The following CELA2A variants were observed in gnomAD, a reference collection of about 807,000 sequenced individuals.
The protein encoded by CELA2A is chymotrypsin like elastase 2A, also known as chymotrypsin-like elastase family member 2A.
Under a neutral mutation model 35.3 loss-of-function variants are expected in CELA2A, and 31 were observed. The ratio of observed to expected loss-of-function variants is 0.88; its 90% CI spans 0.66 to 1.19. The LOEUF (loss-of-function observed/expected upper bound fraction) is 1.19, where lower values mean the gene tolerates loss of function less well. CELA2A is among the 50% of genes most tolerant of loss of function. The probability of loss-of-function intolerance (pLI) is 0.00; values close to 1 mark genes in which losing one functional copy is unlikely to be tolerated. For synonymous variants in CELA2A, 150 were observed against 149.8 expected, an observed-to-expected ratio of 1.00 and a Z score of -0.01; for missense variants, 330 against 352.9, an observed-to-expected ratio of 0.94 and a Z score of 0.52.
intron 2 of CELA2A, 59 bp from the exon 3 acceptor site, chr1:15,461,502 A>G (rs1708433078): frequency 5.1e-6 from 8 of 1,583,698 alleles, no homozygotes; most frequent in Admixed American, 3.4e-5. Flanking sequence ...GGGAAACTGG[A>G]GTGCAGGGAG....
At chr1:15,470,441 C>T (rs1557520198) in intron 7 of CELA2A, among the ~76,000 whole-genome samples, 2 of 152,132 alleles carry the variant, frequency 1.3e-5, no homozygotes, top group Admixed American at 6.5e-5. Flanking sequence ...CTTCAGCAAT[C>T]CTTAGTTTTT....
chr1:15,464,951 C>T (rs1708495874), intron 5 of CELA2A, among the ~76,000 whole-genome samples: 1 of 149,694 alleles, frequency 6.7e-6, no homozygotes, highest in Non-Finnish European at 1.5e-5. Flanking sequence ...AAATGTTATG[C>T]AAGTGTTAAT....
intron 5 of CELA2A, among the ~76,000 whole-genome samples, chr1:15,463,808 G>A (rs1470208245): frequency 6.6e-6 from 1 of 152,044 alleles, no homozygotes; most frequent in African/African-American, 2.4e-5. Flanking sequence ...CCAGCACTTT[G>A]GGAGGCCCAT....
intron 7 of CELA2A, among the ~76,000 whole-genome samples, chr1:15,469,949 T>C (rs1053305073): frequency 1.3e-5 from 2 of 152,058 alleles, no homozygotes; most frequent in African/African-American, 4.8e-5. Flanking sequence ...TGTCCCAATT[T>C]TTTTTTCCCA....
intron 7 of CELA2A, among the ~76,000 whole-genome samples, chr1:15,469,052 C>T (rs572602686): frequency 2.0e-5 from 3 of 152,282 alleles, no homozygotes; most frequent in South Asian, 4.1e-4. Flanking sequence ...GTGATACGTG[C>T]TTGTAATCCC....
Position 15,463,372 on chromosome 1 carries a change from C to A in CELA2A, c.357-14C>A. 8 of 1,613,504 alleles carry A rather than the reference C, an allele frequency of 5.0e-6. No individual in the cohort carries two copies. The highest frequency in any genetic ancestry group is 6.8e-6 in the Non-Finnish European group (8 of 1,179,868). ...TCAACCCGGTCCTCATGCTTCGCCT[C>A]CACACTCACCCAGGAACGACATTGC... On this transcript the variant is annotated splice_polypyrimidine_tract_variant and intron_variant, in intron 4 of 7. Transcript: ENST00000359621.
At chr1:15,463,823 C>T (rs576514211) in intron 5 of CELA2A, among the ~76,000 whole-genome samples, 105 of 151,904 alleles carry the variant, frequency 6.9e-4, no homozygotes, top group African/African-American at 2.5e-3. Flanking sequence ...GCCCATCCCG[C>T]GGATCACTTG....
In CELA2A at chr1:15,459,927, G is replaced by A. The variant is rs1408169155; in HGVS notation, c.130-1634G>A. On this transcript the variant is annotated intron_variant, in intron 2 of 7. Transcript: ENST00000359621. Reference sequence around the variant, plus strand: ...AGCCCAAGAGTTTGAGACCAGCATGGGCAACATAGATAGCCATCTCAAAAA... The same window carrying A: ...AGCCCAAGAGTTTGAGACCAGCATGAGCAACATAGATAGCCATCTCAAAAA... Among the ~76,000 whole-genome samples, 6 of 150,414 alleles carry A rather than the reference G, an allele frequency of 4.0e-5. No homozygotes were observed. In the East Asian group the frequency reaches 1.2e-3, roughly 29 times the overall value.
chr1:15,469,814 G>A (rs376763603), intron 7 of CELA2A, among the ~76,000 whole-genome samples: 17 of 152,216 alleles, frequency 1.1e-4, no homozygotes, highest in Admixed American at 3.9e-4. Flanking sequence ...GACTGGACGA[G>A]AGGCTGCTTA....
At chr1:15,462,059 G>A (rs529103064) in intron 3 of CELA2A, 3 of 480,388 alleles carry the variant, frequency 6.2e-6, no homozygotes, top group African/African-American at 5.9e-5. Context: ...ATTTACCAAA[G>A]GGCCTGGCAC....
rs1708462492 is a variant in CELA2A at position 15,463,119 on chromosome 1, G to T, written c.356+258G>T. The T allele has an allele frequency of 4.2e-6, 3 of 714,220 alleles. No individual in the cohort carries two copies. In the East Asian group the frequency reaches 8.1e-5, roughly 19 times the overall value. 44.2% of individuals were successfully genotyped at this position (714,220 alleles called of 1,614,324 possible). A position where few individuals can be genotyped will look rare whatever the true frequency, so the allele number is the denominator to read the frequency against. On this transcript the variant is annotated intron_variant, in intron 4 of 7. Transcript: ENST00000359621. Reference sequence around the variant, plus strand: ...CACCTGCAGGGCCCCTGTCCGCTGAGCATGTATCTACTTCATGCCAGGTCC... The same window carrying T: ...CACCTGCAGGGCCCCTGTCCGCTGATCATGTATCTACTTCATGCCAGGTCC...
intron 5 of CELA2A, 71 bp downstream of exon 5, chr1:15,463,593 G>A: frequency 6.2e-7 from 1 of 1,604,510 alleles, no homozygotes; most frequent in Non-Finnish European, 8.5e-7. Context: ...TGTCTGGCCG[G>A]GGCCTCTCAC....
At chr1:15,460,641 C>T (rs971657475) in intron 2 of CELA2A, among the ~76,000 whole-genome samples, 1 of 121,592 alleles carries the variant, frequency 8.2e-6, no homozygotes, top group African/African-American at 2.8e-5. Context: ...AATGTCACCA[C>T]CTTAAAGTTC....
intron 5 of CELA2A, among the ~76,000 whole-genome samples, chr1:15,464,496 C>T (rs1708486871): frequency 6.6e-6 from 1 of 152,028 alleles, no homozygotes; most frequent in Non-Finnish European, 1.5e-5. Flanking sequence ...ACCTTATGAC[C>T]ATAATGAGAT....
At chr1:15,460,309 T>TGG (rs33976415) in intron 2 of CELA2A, among the ~76,000 whole-genome samples, 173 of 151,720 alleles carry the variant, frequency 1.1e-3, no homozygotes, top group African/African-American at 4.1e-3. Flanking sequence ...ATTTTTAAAT[T>TGG]GGGGGGGGGG....
chr1:15,469,763 G>T (rs1708565906), intron 7 of CELA2A, among the ~76,000 whole-genome samples: 1 of 152,102 alleles, frequency 6.6e-6, no homozygotes, highest in Admixed American at 6.6e-5. Context: ...GTCCACCTTT[G>T]GAGGCGCCAC....
At chr1:15,465,020 T>C (rs533223204) in intron 5 of CELA2A, among the ~76,000 whole-genome samples, 94 of 141,182 alleles carry the variant, frequency 6.7e-4, no homozygotes, top group African/African-American at 1.9e-3. Context: ...TTTTTTTTTT[T>C]TTTTTTTTTG....
At chr1:15,469,596 G>A (rs1275658573) in intron 7 of CELA2A, among the ~76,000 whole-genome samples, 1 of 152,156 alleles carries the variant, frequency 6.6e-6, no homozygotes, top group Admixed American at 6.5e-5. Context: ...CCAGATCCTT[G>A]TTCATTTGTC....
intron 1 of CELA2A, 24 bp from the exon 2 acceptor site, chr1:15,457,062 T>A: frequency 6.2e-7 from 1 of 1,602,800 alleles, no homozygotes; most frequent in African/African-American, 1.3e-5. Flanking sequence ...GCTTCCTGAC[T>A]CAAGACCCTT....
Sources: allele counts gnomAD v4.1 joint callset (sites outside exome capture counted in the v4.1 genomes callset), GRCh38; gene constraint gnomAD v4.1.1; transcripts MANE v1.5; gene names NCBI Gene and HGNC (gene_info 2026-07-23, HGNC 2026-07-21).